VPS13B: variants seen among roughly 807,000 people sequenced by gnomAD.
VPS13B encodes intermembrane lipid transfer protein VPS13B.
In VPS13B, 285 loss-of-function variants were observed where a neutral mutation model predicts 426.4. The observed-to-expected ratio is 0.67, with a 90% CI of 0.61 to 0.74. The LOEUF is 0.74. VPS13B is among the 30% of genes least tolerant of loss of function. The pLI is 0.00. For missense variants in VPS13B, 4,537 were observed against 4,782.6 expected (o/e 0.95, Z 1.51); for synonymous variants, 1,676 against 1,676.4 (o/e 1.00, Z 0.01).
rs528318224 is a variant in VPS13B, at chr8:99,069,337, G to A, written c.292-26975G>A. Among the ~76,000 whole-genome samples the A allele has an allele frequency of 4.9e-4, 75 of 152,316 alleles. 2 individuals carry two copies. In the South Asian group the frequency reaches 0.015, roughly 31 times the overall value. On this transcript the variant is annotated intron_variant, in intron 3 of 61. Coordinates refer to ENST00000357162, the MANE Select transcript of VPS13B (RefSeq NM_152564.5). ...TAGTCCTAGCTACTCTGAAGGCTGA[G>A]GCAGGCAGATGGATTGAGCCAGGAA...
chr8:99,251,435 T>C (rs890580476), intron 17 of VPS13B, among the ~76,000 whole-genome samples: 27 of 152,194 alleles, frequency 1.8e-4, no homozygotes, highest in Non-Finnish European at 2.9e-5. Flanking sequence ...TGGATTTTTC[T>C]TCTTTAGCCT....
At chr8:99,665,017 G>A (rs1440082132) in intron 35 of VPS13B, among the ~76,000 whole-genome samples, 3 of 152,152 alleles carry the variant, frequency 2.0e-5, no homozygotes, top group Non-Finnish European at 4.4e-5. Flanking sequence ...ATTCTAACTG[G>A]TGTGGGATGG....
chr8:99,811,847 T>C (rs1159635402), intron 44 of VPS13B, among the ~76,000 whole-genome samples: 1 of 152,096 alleles, frequency 6.6e-6, no homozygotes, highest in Non-Finnish European at 1.5e-5. Context: ...ATTAACTGAG[T>C]TTGTGTATGT....
At chr8:99,535,842 T>C (rs912621202) in intron 30 of VPS13B, among the ~76,000 whole-genome samples, 5 of 152,222 alleles carry the variant, frequency 3.3e-5, no homozygotes, top group African/African-American at 1.2e-4. Context: ...ATGTTTACAT[T>C]GTGAAAACTT....
chr8:99,449,549 C>T (rs540531826), intron 23 of VPS13B, among the ~76,000 whole-genome samples: 1 of 151,922 alleles, frequency 6.6e-6, no homozygotes, highest in Non-Finnish European at 1.5e-5. Flanking sequence ...CTGCATATAA[C>T]AAGGCAGGGA....
In VPS13B at chr8:99,313,256, A is replaced by T. The variant is rs548854456; in HGVS notation, c.2824+38002A>T. 4.0e-5 allele frequency among the ~76,000 whole-genome samples: 6 copies of T among 151,896 alleles called. No homozygotes were observed. The South Asian group carries it at 1.3e-3, about 32-fold the overall frequency. On this transcript the variant is annotated intron_variant, in intron 19 of 61. Coordinates refer to ENST00000357162, the MANE Select transcript of VPS13B (RefSeq NM_152564.5). Reference sequence around the variant, plus strand: ...GGGGAGAAGCGCTCTGATTTTTAGAATTTTCAGCTTTTCTGGTCTGTTTTT... The same window carrying T: ...GGGGAGAAGCGCTCTGATTTTTAGATTTTTCAGCTTTTCTGGTCTGTTTTT...
In VPS13B at chr8:99,315,215, A is replaced by C. The variant is rs575827047; in HGVS notation, c.2824+39961A>C. On this transcript the variant is annotated intron_variant, in intron 19 of 61. Transcript: ENST00000357162. ...AGAAGTTTTCAGCTACTATTTCATT[A>C]AATAGCTTTATTCCTTTTGCTTTCT... Among the ~76,000 whole-genome samples, 190 of 152,234 alleles carry C rather than the reference A, an allele frequency of 1.2e-3. 2 individuals carry two copies. Among genetic ancestry groups the C allele is most frequent in the African/African-American group, 4.3e-3 (179 of 41,544 alleles).
intron 16 of VPS13B, among the ~76,000 whole-genome samples, chr8:99,188,440 C>T (rs940630341): frequency 6.6e-6 from 1 of 151,972 alleles, no homozygotes; most frequent in African/African-American, 2.4e-5. Context: ...AATAATATTC[C>T]TTTGTATGGA....
intron 13 of VPS13B, among the ~76,000 whole-genome samples, chr8:99,144,758 G>C (rs1194368516): frequency 6.6e-6 from 1 of 152,120 alleles, no homozygotes; most frequent in Non-Finnish European, 1.5e-5. Flanking sequence ...TAGCAAACAA[G>C]ACATACAAAG....
chr8:99,767,351 AT>A (rs1811277009), intron 40 of VPS13B, among the ~76,000 whole-genome samples: 1 of 152,078 alleles, frequency 6.6e-6, no homozygotes, highest in Non-Finnish European at 1.5e-5. Context: ...TGTAATGATT[AT>A]CCTGGGGCAT....
intron 19 of VPS13B, among the ~76,000 whole-genome samples, chr8:99,361,372 TTGAA>T (rs940094407): frequency 6.6e-6 from 1 of 152,206 alleles, no homozygotes; most frequent in African/African-American, 2.4e-5. Flanking sequence ...GGCATGGTCT[TTGAA>T]TGGTCTCTTT....
intron 3 of VPS13B, among the ~76,000 whole-genome samples, chr8:99,076,226 A>T (rs1845113907): frequency 1.3e-5 from 2 of 152,164 alleles, no homozygotes; most frequent in African/African-American, 4.8e-5. Context: ...AACATATTTG[A>T]CATGATTTTG....
At chr8:99,430,206 TAAGGTATTTTA>T (rs1817013998) in intron 21 of VPS13B, among the ~76,000 whole-genome samples, 1 of 152,152 alleles carries the variant, frequency 6.6e-6, no homozygotes, top group Non-Finnish European at 1.5e-5. Context: ...TTCATGCCCT[TAAGGTATTTTA>T]AATATGGTAT....
chr8:99,413,050 T>C lies in VPS13B; in HGVS notation c.3083-18487T>C, dbSNP rs147519004. 3.4e-4 allele frequency among the ~76,000 whole-genome samples: 52 copies of C among 152,330 alleles called. No individual in the cohort carries two copies. In the East Asian group the frequency reaches 9.9e-3, roughly 29 times the overall value. ...TTTGTTGTGTCTCTGTAGGTTTTGATATCAGGAAGATGCTGGCCTCATAAA... is the reference window on the plus strand; with the variant it reads ...TTTGTTGTGTCTCTGTAGGTTTTGACATCAGGAAGATGCTGGCCTCATAAA... On this transcript the variant is annotated intron_variant, in intron 21 of 61. Coordinates refer to ENST00000357162, the MANE Select transcript of VPS13B (RefSeq NM_152564.5).
chr8:99,777,122 C>G (rs1811781085), intron 41 of VPS13B, among the ~76,000 whole-genome samples, 166 bp downstream of exon 41: 1 of 152,094 alleles, frequency 6.6e-6, no homozygotes, highest in Non-Finnish European at 1.5e-5. Flanking sequence ...CAGGCATAAC[C>G]TTTACTTCTG....
intron 35 of VPS13B, among the ~76,000 whole-genome samples, chr8:99,666,110 C>CTGTT (rs1554894355): frequency 6.6e-6 from 1 of 152,068 alleles, no homozygotes; most frequent in Non-Finnish European, 1.5e-5. Context: ...CATGATTTGG[C>CTGTT]TGTCTGTTAT....
At chr8:99,555,102 C>G (rs1824484814) in intron 30 of VPS13B, among the ~76,000 whole-genome samples, 1 of 152,064 alleles carries the variant, frequency 6.6e-6, no homozygotes, top group Non-Finnish European at 1.5e-5. Context: ...ATCTCACTAG[C>G]TGAGCCACTT....
At chr8:99,861,991 T>C (rs1276436918) in intron 58 of VPS13B, 45 bp downstream of exon 58, 10 of 1,538,916 alleles carry the variant, frequency 6.5e-6, no homozygotes, top group Non-Finnish European at 8.7e-6. Context: ...TCCAGCAGGC[T>C]GAGATGCAGG....
rs571669946 is a variant in VPS13B, at chr8:99,749,200, AC to A, written c.7051-17572del. On this transcript the variant is annotated intron_variant, in intron 39 of 61. Transcript: ENST00000357162. ...TAATCACAACAGGGTAAATGCAATA[AC>A]CATCACCTCAAGCATTTATCATTTC... 3.9e-3 allele frequency among the ~76,000 whole-genome samples: 591 copies of A among 152,146 alleles called. 3 individuals carry two copies. The highest frequency in any genetic ancestry group is 6.9e-3 in the Non-Finnish European group (468 of 67,950).
Sources: allele counts gnomAD v4.1 joint callset (sites outside exome capture counted in the v4.1 genomes callset), GRCh38; gene constraint gnomAD v4.1.1; transcripts MANE v1.5; gene names NCBI Gene and HGNC (gene_info 2026-07-23, HGNC 2026-07-21).